DYM: variants seen among roughly 807,000 people sequenced by gnomAD.
DYM encodes the protein dyggve-Melchior-Clausen syndrome protein.
Under a neutral mutation model 93.1 loss-of-function variants are expected in DYM, and 78 were observed. That is an observed-to-expected ratio of 0.84 (90% CI 0.70 to 1.01). DYM has a LOEUF of 1.01. Among genes scored for constraint, DYM ranks in the 50% least tolerant of loss-of-function variants. The pLI is 0.00. For synonymous variants in DYM, 321 were observed against 319.7 expected (o/e 1.00, Z -0.04); for missense variants, 789 against 845.0 (o/e 0.93, Z 0.82).
In DYM at chr18:49,097,431, C is replaced by T. The variant is rs761513723; in HGVS notation, c.1996G>A (p.Val666Ile). Residue 666 changes from valine to isoleucine, a missense_variant, in exon 17 of 18, where the codon GTC (valine) becomes ATC (isoleucine). Physicochemically the swap from Val to Ile is conservative, Grantham distance 29. Around this residue, in one of 3 missense-constraint regions of DYM, gnomAD observed 114 missense variants for 105.8 expected, o/e 1.08. Transcript: ENST00000675505. ...ERVLEIIKQG[V>I]VALPKDRLKK... is the part of the protein sequence containing the mutation. ...AGTCTGTCTTTGGGCAGCGCAACGACGCCTTGCTTAATGATTTCCAGGACC... is the reference window on the plus strand; with the variant it reads ...AGTCTGTCTTTGGGCAGCGCAACGATGCCTTGCTTAATGATTTCCAGGACC... The T allele has an allele frequency of 1.3e-5, 21 of 1,613,884 alleles. No homozygotes were observed. The highest frequency in any genetic ancestry group is 2.2e-5 in the South Asian group (2 of 91,072).
intron 13 of DYM, among the ~76,000 whole-genome samples, chr18:49,213,121 A>G (rs2092864746): frequency 1.3e-5 from 2 of 152,226 alleles, no homozygotes; most frequent in South Asian, 4.1e-4. Flanking sequence ...CTTCACTAAA[A>G]TAAAGTACAA....
intron 13 of DYM, among the ~76,000 whole-genome samples, chr18:49,248,942 A>G (rs976479284): frequency 1.3e-5 from 2 of 152,180 alleles, no homozygotes; most frequent in Admixed American, 1.3e-4. Flanking sequence ...CTTTGCTACT[A>G]TAACTTTAGG....
chr18:49,419,281 C>A (rs1204563932), intron 2 of DYM, among the ~76,000 whole-genome samples: 1 of 152,068 alleles, frequency 6.6e-6, no homozygotes, highest in African/African-American at 2.4e-5. Flanking sequence ...ATTGCTTGAA[C>A]CTGGGAGGCG....
At chr18:49,186,920 CTT>C (rs57080617) in intron 14 of DYM, among the ~76,000 whole-genome samples, 117 of 117,814 alleles carry the variant, frequency 9.9e-4, no homozygotes, top group African/African-American at 2.2e-3. Flanking sequence ...ACACAATCTT[CTT>C]TTTTTTTTTT....
chr18:49,337,973 A>T (rs2063798369), intron 6 of DYM, among the ~76,000 whole-genome samples: 1 of 152,196 alleles, frequency 6.6e-6, no homozygotes, highest in Non-Finnish European at 1.5e-5. Context: ...AAGGTGGGGG[A>T]AAGGGGTGGG....
intron 13 of DYM, among the ~76,000 whole-genome samples, chr18:49,253,991 T>C (rs1326270466): frequency 6.6e-6 from 1 of 152,082 alleles, no homozygotes; most frequent in Non-Finnish European, 1.5e-5. Flanking sequence ...AGCATGCCAG[T>C]TCCATGAAAC....
intron 8 of DYM, among the ~76,000 whole-genome samples, chr18:49,292,592 G>GAAAAAAAAAAAAAAAAA (rs72415237): frequency 6.3e-5 from 5 of 78,786 alleles, no homozygotes; most frequent in Admixed American, 1.7e-4. Context: ...TTTCCTGTTG[G>GAAAAAAAAAAAAAAAAA]AAAAAAAAAA....
At position 49,333,748 on chromosome 18, in the gene DYM, C is replaced by T; in HGVS notation, c.600G>A (p.Lys200=). The T allele has an allele frequency of 6.2e-7, 1 of 1,613,974 alleles. No homozygotes were observed. Among genetic ancestry groups the T allele is most frequent in the South Asian group, 1.1e-5 (1 of 91,082 alleles). ...KEVLRQSISH[K]YLMRGPCLPY... The stretch of plus-strand genomic sequence containing the variant: ...CATACCATGGACCTCGCATCAAATA[C>T]TTGTGGCTGATGCTCTGTCGCAAAA... Residue 200 remains lysine (K), a synonymous_variant, in exon 7 of 18, where the codon AAG becomes AAA. Coordinates refer to ENST00000675505, the MANE Select transcript of DYM (RefSeq NM_001353214.3).
intron 15 of DYM, among the ~76,000 whole-genome samples, chr18:49,120,116 G>T (rs576391866): frequency 7.1e-6 from 1 of 140,508 alleles, no homozygotes; most frequent in Non-Finnish European, 1.6e-5. Context: ...AAAAGAAAAA[G>T]AAAAAAAGAA....
chr18:49,301,382 A>G (rs995778816), intron 8 of DYM, among the ~76,000 whole-genome samples: 1 of 151,944 alleles, frequency 6.6e-6, no homozygotes, highest in African/African-American at 2.4e-5. Flanking sequence ...TTAGCCAGGG[A>G]TGGTGGTGGG....
chr18:49,445,758 G>A (rs1211883621), intron 1 of DYM, among the ~76,000 whole-genome samples: 1 of 152,088 alleles, frequency 6.6e-6, no homozygotes, highest in Non-Finnish European at 1.5e-5. Context: ...AGTAGCCAGA[G>A]TAACACCTTG....
intron 14 of DYM, among the ~76,000 whole-genome samples, chr18:49,164,515 T>C (rs552824911): frequency 2.6e-5 from 4 of 152,330 alleles, no homozygotes; most frequent in Admixed American, 2.6e-4. Context: ...AGCAGTGTTG[T>C]GCTGAGCTAA....
At chr18:49,154,302 T>A (rs1219387139) in intron 15 of DYM, among the ~76,000 whole-genome samples, 1 of 152,198 alleles carries the variant, frequency 6.6e-6, no homozygotes, top group Non-Finnish European at 1.5e-5. Flanking sequence ...TTAACAGTAA[T>A]GTACCAGTAT....
Position 49,391,651 on chromosome 18 carries a change from G to T in DYM, c.141-6C>A. 1 of 1,611,588 alleles carries T rather than the reference G, an allele frequency of 6.2e-7. No homozygotes were observed. Among genetic ancestry groups the T allele is most frequent in the Non-Finnish European group, 8.5e-7 (1 of 1,178,062 alleles). ...CCAAGAGTTTCAACTCACTACTGGA[G>T]AGACAGAAGAATAAAGGTAATTAAT... On this transcript the variant is annotated splice_polypyrimidine_tract_variant and splice_region_variant and intron_variant, in intron 2 of 17. Transcript: ENST00000675505.
intron 17 of DYM, among the ~76,000 whole-genome samples, chr18:49,059,731 C>T (rs1270742849): frequency 6.6e-6 from 1 of 152,118 alleles, no homozygotes; most frequent in Non-Finnish European, 1.5e-5. Flanking sequence ...GGAGACCCAA[C>T]ATCTTATTAT....
chr18:49,064,928 A>C (rs1431146741), intron 17 of DYM, among the ~76,000 whole-genome samples: 1 of 151,176 alleles, frequency 6.6e-6, no homozygotes, highest in Non-Finnish European at 1.5e-5. Context: ...TGTCTCTTAA[A>C]AACACAGATG....
At chr18:49,299,049 C>T (rs111680166) in intron 8 of DYM, among the ~76,000 whole-genome samples, 2 of 152,162 alleles carry the variant, frequency 1.3e-5, no homozygotes, top group Non-Finnish European at 2.9e-5. Flanking sequence ...TTCCTTTAAA[C>T]AAGTCTGAGT....
At chr18:49,335,550 T>C (rs995397951) in intron 6 of DYM, among the ~76,000 whole-genome samples, 3 of 152,270 alleles carry the variant, frequency 2.0e-5, no homozygotes, top group Non-Finnish European at 4.4e-5. Context: ...ACTTGATGTT[T>C]CATGTCATGT....
At chr18:49,333,167 G>C (rs919047184) in intron 7 of DYM, among the ~76,000 whole-genome samples, 1 of 152,216 alleles carries the variant, frequency 6.6e-6, no homozygotes, top group Non-Finnish European at 1.5e-5. Context: ...GGTCAGGTAT[G>C]TGCATATGTG....
Sources: allele counts gnomAD v4.1 joint callset (sites outside exome capture counted in the v4.1 genomes callset), GRCh38; gene constraint gnomAD v4.1.1; regional missense constraint gnomAD v4.1.1; transcripts MANE v1.5; gene names NCBI Gene and HGNC (gene_info 2026-07-23, HGNC 2026-07-21).